Variants in ASCC3 observed in about 807,000 individuals in gnomAD.
ASCC3 encodes the protein activating signal cointegrator 1 complex subunit 3.
Under a neutral mutation model 256.3 loss-of-function variants are expected in ASCC3, and 158 were observed. The observed-to-expected ratio is 0.62, with a 90% CI of 0.54 to 0.70. The LOEUF (loss-of-function observed/expected upper bound fraction) is 0.70. Among genes scored for constraint, ASCC3 ranks in the 30% least tolerant of loss-of-function variants. The pLI is 0.00. For missense variants in ASCC3, 2,259 were observed against 2,626.0 expected (o/e 0.86, Z 3.05); for synonymous variants, 948 against 883.4 (o/e 1.07, Z -1.30).
intron 1 of ASCC3, among the ~76,000 whole-genome samples, chr6:100,874,882 G>T (rs1028349547): frequency 6.6e-6 from 1 of 152,074 alleles, no homozygotes; most frequent in East Asian, 1.9e-4. Context: ...TAAACTATGA[G>T]GGGGAAAGCC....
chr6:100,553,751 G>C (rs1404788676), intron 36 of ASCC3, among the ~76,000 whole-genome samples: 2 of 152,102 alleles, frequency 1.3e-5, no homozygotes, highest in Non-Finnish European at 2.9e-5. Flanking sequence ...AATGGTCCCT[G>C]CTGTTCTCTG....
chr6:100,784,186 TATGAAAATACAGTCA>T (rs1476849496), intron 8 of ASCC3, among the ~76,000 whole-genome samples: 1 of 152,108 alleles, frequency 6.6e-6, no homozygotes, highest in Non-Finnish European at 1.5e-5. Context: ...TAAAACTAAA[TATGAAAATACAGTCA>T]ATGAAAATAC....
intron 26 of ASCC3, 37 bp downstream of exon 26, chr6:100,631,091 T>C: frequency 1.4e-6 from 2 of 1,453,398 alleles, no homozygotes; most frequent in Non-Finnish European, 1.9e-6. Context: ...TTTTAGTCAA[T>C]TCAAAGCGTA....
chr6:100,863,963 A>C (rs999145551), intron 3 of ASCC3, 101 bp downstream of exon 3: 1 of 1,121,068 alleles, frequency 8.9e-7, no homozygotes, highest in Admixed American at 2.9e-5. Flanking sequence ...GATGCCAGGA[A>C]ATTTTAGCTT....
intron 8 of ASCC3, among the ~76,000 whole-genome samples, chr6:100,786,329 T>C (rs888577269): frequency 1.3e-4 from 20 of 152,174 alleles, no homozygotes; most frequent in African/African-American, 4.6e-4. Context: ...GGAAATAATG[T>C]CTTCCAAAAA....
Position 100,868,832 on chromosome 6 carries a change from A to C in ASCC3, c.-41-794T>G, listed in dbSNP as rs1295864581. On this transcript the variant is annotated intron_variant, in intron 1 of 41. Coordinates refer to ENST00000369162, the MANE Select transcript of ASCC3 (RefSeq NM_006828.4). ...AGAAAACAGCTGATGAGGGGGAAGAACATACCGGGAAAGAGAGAATTCAGA... is the reference window on the plus strand; with the variant it reads ...AGAAAACAGCTGATGAGGGGGAAGACCATACCGGGAAAGAGAGAATTCAGA... Among the ~76,000 whole-genome samples, 5 of 152,346 alleles carry C rather than the reference A, an allele frequency of 3.3e-5. No homozygotes were observed. The South Asian group carries it at 1.0e-3, about 32-fold the overall frequency.
At chr6:100,798,675 G>A (rs746092430) in intron 8 of ASCC3, 38 bp downstream of exon 8, 24 of 1,609,306 alleles carry the variant, frequency 1.5e-5, no homozygotes, top group South Asian at 8.8e-5. Flanking sequence ...CGCATACCAA[G>A]CCTCAAAACT....
chr6:100,618,590 C>T (rs769774722), intron 30 of ASCC3, among the ~76,000 whole-genome samples: 7 of 152,154 alleles, frequency 4.6e-5, no homozygotes, highest in Non-Finnish European at 2.9e-5. Flanking sequence ...ATGGGTGAAA[C>T]ATAAACTTCC....
intron 14 of ASCC3, among the ~76,000 whole-genome samples, chr6:100,672,471 C>G (rs1391126277): frequency 6.6e-6 from 1 of 151,826 alleles, no homozygotes; most frequent in African/African-American, 2.4e-5. Context: ...CAGGCAAGAT[C>G]TGGATGATGG....
At chr6:100,843,104 T>G (rs977109665) in intron 4 of ASCC3, among the ~76,000 whole-genome samples, 1 of 152,102 alleles carries the variant, frequency 6.6e-6, no homozygotes, top group African/African-American at 2.4e-5. Context: ...AAAGAAAAAT[T>G]ATGAGGTTCT....
At chr6:100,847,787 C>T (rs1187683780) in intron 4 of ASCC3, among the ~76,000 whole-genome samples, 1 of 152,172 alleles carries the variant, frequency 6.6e-6, no homozygotes, top group Non-Finnish European at 1.5e-5. Flanking sequence ...ATTTCAAAGC[C>T]TGTCCTTTCT....
intron 30 of ASCC3, among the ~76,000 whole-genome samples, chr6:100,620,616 C>A (rs1231458221): frequency 6.6e-6 from 1 of 152,118 alleles, no homozygotes; most frequent in Non-Finnish European, 1.5e-5. Flanking sequence ...GGTCACTGAA[C>A]AGCAGAATAA....
chr6:100,677,254 G>A (rs1777070859), intron 14 of ASCC3, among the ~76,000 whole-genome samples: 1 of 152,000 alleles, frequency 6.6e-6, no homozygotes, highest in Non-Finnish European at 1.5e-5. Flanking sequence ...AATATGCACT[G>A]TGGAGGGTTT....
intron 36 of ASCC3, among the ~76,000 whole-genome samples, chr6:100,567,943 T>A (rs1252072272): frequency 6.6e-6 from 1 of 152,212 alleles, no homozygotes; most frequent in East Asian, 1.9e-4. Context: ...AGTAGTTGTT[T>A]CTAGTTCTTT....
intron 10 of ASCC3, among the ~76,000 whole-genome samples, chr6:100,735,583 A>C (rs1780113985): frequency 6.6e-6 from 1 of 152,144 alleles, no homozygotes; most frequent in South Asian, 2.1e-4. Flanking sequence ...GAGCCATTTT[A>C]GATGGTAAAT....
chr6:100,790,872 G>C (rs1276767843), intron 8 of ASCC3, among the ~76,000 whole-genome samples: 1 of 151,816 alleles, frequency 6.6e-6, no homozygotes, highest in East Asian at 1.9e-4. Context: ...CCTTTTCCTA[G>C]TTATCTGTTT....
intron 39 of ASCC3, among the ~76,000 whole-genome samples, chr6:100,513,168 A>AT (rs546794241): frequency 6.3e-4 from 96 of 152,258 alleles, no homozygotes; most frequent in African/African-American, 2.3e-3. Context: ...TAATCCAGTG[A>AT]TTTTGTTCAG....
At chr6:100,760,484 G>C (rs1781372349) in intron 10 of ASCC3, among the ~76,000 whole-genome samples, 2 of 152,184 alleles carry the variant, frequency 1.3e-5, no homozygotes, top group African/African-American at 4.8e-5. Flanking sequence ...AAGCCAACTT[G>C]ATCGTTGTGG....
At chr6:100,712,243 G>C (rs1432398490) in intron 13 of ASCC3, among the ~76,000 whole-genome samples, 1 of 152,014 alleles carries the variant, frequency 6.6e-6, no homozygotes, top group African/African-American at 2.4e-5. Context: ...AAGACATAAA[G>C]GAAATAATTG....
Sources: gnomAD v4.1 joint callset for allele counts (sites outside exome capture counted in the v4.1 genomes callset) on GRCh38, gnomAD v4.1.1 for gene constraint, MANE v1.5 for transcripts, NCBI Gene and HGNC (gene_info 2026-07-23, HGNC 2026-07-21) for gene names.